CAMTA1: variants seen among roughly 807,000 people sequenced by gnomAD.
The protein encoded by CAMTA1 is calmodulin-binding transcription activator 1.
In CAMTA1, 27 loss-of-function variants were observed where a neutral mutation model predicts 170.9. The observed-to-expected ratio is 0.16, with a 90% CI of 0.12 to 0.22. CAMTA1 has a LOEUF of 0.22. Among genes scored for constraint, CAMTA1 ranks in the 10% least tolerant of loss-of-function variants. The pLI, the probability that CAMTA1 is intolerant of heterozygous loss-of-function variation, is 1.00. For missense variants in CAMTA1, 1,619 were observed against 2,217.2 expected, an observed-to-expected ratio of 0.73 and a Z score of 5.42; for synonymous variants, 833 against 891.5, an observed-to-expected ratio of 0.93 and a Z score of 1.17.
chr1:7,736,298 G>A lies in CAMTA1; in HGVS notation c.3067-46G>A, dbSNP rs575700189. 1.8e-4 allele frequency: 278 copies of A among 1,553,260 alleles called. No individual in the cohort carries two copies. The highest frequency in any genetic ancestry group is 1.0e-3 in the South Asian group (92 of 88,216). ...CCTACATCGAAGCGCTGATGGGGTC[G>A]AGGGCCTTTAGTCCTGAGGTCGTAA... On this transcript the variant is annotated intron_variant, in intron 12 of 22. Coordinates refer to ENST00000303635, the MANE Select transcript of CAMTA1 (RefSeq NM_015215.4). The surrounding 1 kb of genome is among the most constrained non-coding windows in gnomAD (Gnocchi z 4.5).
In CAMTA1 at chr1:7,574,588, T is replaced by G. The variant is rs528877687; in HGVS notation, c.511-65812T>G. Among the ~76,000 whole-genome samples the G allele has an allele frequency of 1.7e-3, 265 of 152,270 alleles. 1 individual carries two copies. Among genetic ancestry groups the G allele is most frequent in the Non-Finnish European group, 9.6e-4 (65 of 68,012 alleles). On this transcript the variant is annotated intron_variant, in intron 6 of 22. Transcript: ENST00000303635. ...TATGCCTCTATTTTTAACTCCAGGATCAGCAGGGTCATTTTCCAGAGAACA... is the reference window on the plus strand; with the variant it reads ...TATGCCTCTATTTTTAACTCCAGGAGCAGCAGGGTCATTTTCCAGAGAACA...
At chr1:7,233,902 C>T (rs1558285338) in intron 4 of CAMTA1, among the ~76,000 whole-genome samples, 1 of 152,166 alleles carries the variant, frequency 6.6e-6, no homozygotes, top group Admixed American at 6.5e-5. Flanking sequence ...AACCCCTCTG[C>T]CCTGGTCTGG....
intron 11 of CAMTA1, among the ~76,000 whole-genome samples, chr1:7,714,672 T>G (rs1442953261): frequency 1.3e-4 from 20 of 152,046 alleles, no homozygotes; most frequent in Admixed American, 1.3e-3. Context: ...CAGGTGCGTG[T>G]CACCACACCT....
intron 4 of CAMTA1, among the ~76,000 whole-genome samples, chr1:7,185,385 T>G (rs1008740330): frequency 6.6e-6 from 1 of 151,944 alleles, no homozygotes; most frequent in African/African-American, 2.4e-5. Context: ...GACCAGAAAG[T>G]AAGGGAGAGC....
intron 4 of CAMTA1, among the ~76,000 whole-genome samples, chr1:7,107,266 A>G (rs925861049): frequency 2.4e-5 from 2 of 83,908 alleles, no homozygotes; most frequent in African/African-American, 1.1e-4. Flanking sequence ...GTGCATGTGT[A>G]TGTGTGTGTG....
In CAMTA1 at chr1:7,300,108, T is replaced by C. The variant is rs1674545751; in HGVS notation, c.438+50482T>C. ...GCTTCTGTATAATTTGAATTTGAGA[T>C]AGCATTCTTAAAAAAAAATTCCCTT... On this transcript the variant is annotated intron_variant, in intron 5 of 22. Transcript: ENST00000303635. This position sits in a 1 kb window ranked among gnomAD's most constrained non-coding sequence, Gnocchi z 4.1. 6.6e-6 allele frequency among the ~76,000 whole-genome samples: 1 copy of C among 152,144 alleles called. No homozygotes were observed. The highest frequency in any genetic ancestry group is 2.1e-4 in the South Asian group (1 of 4,822).
chr1:7,359,620 A>G (rs845195), intron 5 of CAMTA1, among the ~76,000 whole-genome samples: 94,735 of 152,010 alleles, frequency 0.62, 31,515 homozygotes, highest in Non-Finnish European at 0.75. Flanking sequence ...TGTAGCAGGA[A>G]ATGTTCTGGA....
chr1:7,016,203 C>G (rs1700511078), intron 3 of CAMTA1, among the ~76,000 whole-genome samples: 1 of 152,190 alleles, frequency 6.6e-6, no homozygotes, highest in Non-Finnish European at 1.5e-5. Context: ...TTTCCCTCAG[C>G]CTGACACCCG....
At chr1:7,154,242 C>T (rs1646739289) in intron 4 of CAMTA1, among the ~76,000 whole-genome samples, 1 of 152,080 alleles carries the variant, frequency 6.6e-6, no homozygotes, top group Non-Finnish European at 1.5e-5. Context: ...AACAGATTGA[C>T]CCTGGAGGTA....
chr1:6,792,520 T>G (rs1364664262), intron 1 of CAMTA1, among the ~76,000 whole-genome samples: 1 of 152,098 alleles, frequency 6.6e-6, no homozygotes, highest in African/African-American at 2.4e-5. Flanking sequence ...AGAAATATTA[T>G]GTACCCCATT....
intron 4 of CAMTA1, among the ~76,000 whole-genome samples, chr1:7,162,860 G>A (rs927747598): frequency 6.6e-6 from 1 of 152,154 alleles, no homozygotes; most frequent in South Asian, 2.1e-4. Flanking sequence ...GTGACTCCGT[G>A]GCTGATCTTT....
intron 6 of CAMTA1, among the ~76,000 whole-genome samples, chr1:7,568,892 T>C (rs1397445892): frequency 6.7e-6 from 1 of 149,126 alleles, no homozygotes; most frequent in Non-Finnish European, 1.5e-5. Context: ...CGCATCACCA[T>C]CACCACCACC....
chr1:6,821,619 A>G (rs187590335), intron 2 of CAMTA1, among the ~76,000 whole-genome samples: 2 of 152,250 alleles, frequency 1.3e-5, no homozygotes, highest in Admixed American at 1.3e-4. Context: ...TGAATGAATA[A>G]CAGTGTTCAT....
At chr1:7,024,043 AAAG>A (rs1394473060) in intron 3 of CAMTA1, among the ~76,000 whole-genome samples, 1,937 of 147,828 alleles carry the variant, frequency 0.013, 60 homozygotes, top group African/African-American at 0.046. Flanking sequence ...AAAAAAAAAA[AAAG>A]AAAGAAAGAA....
chr1:7,451,900 T>C (rs1359866939), intron 5 of CAMTA1, among the ~76,000 whole-genome samples: 1 of 152,118 alleles, frequency 6.6e-6, no homozygotes, highest in Non-Finnish European at 1.5e-5. Context: ...CAGAAATACA[T>C]GAAAGGTCAA....
At chr1:7,722,289 G>A (rs925120652) in intron 11 of CAMTA1, among the ~76,000 whole-genome samples, 9 of 152,184 alleles carry the variant, frequency 5.9e-5, no homozygotes, top group Admixed American at 5.9e-4. Context: ...ATTAATTTGG[G>A]ACATTTTAAA....
At chr1:6,838,490 A>G (rs1251518373) in intron 3 of CAMTA1, among the ~76,000 whole-genome samples, 1 of 152,176 alleles carries the variant, frequency 6.6e-6, no homozygotes, top group African/African-American at 2.4e-5. Flanking sequence ...TTTATACAGC[A>G]CATCACCAAT....
chr1:7,730,944 A>G (rs1204699759), intron 11 of CAMTA1, among the ~76,000 whole-genome samples: 1 of 146,962 alleles, frequency 6.8e-6, no homozygotes, highest in Non-Finnish European at 1.5e-5. Flanking sequence ...ATATATATAT[A>G]TATTTAACAT....
intron 5 of CAMTA1, among the ~76,000 whole-genome samples, chr1:7,364,090 C>G (rs1425084116): frequency 3.3e-5 from 5 of 152,218 alleles, no homozygotes; most frequent in Admixed American, 6.5e-5. Flanking sequence ...ACTCCTGAAA[C>G]TGTGGTCCCT....
Sources: allele counts gnomAD v4.1 joint callset (sites outside exome capture counted in the v4.1 genomes callset), GRCh38; gene constraint gnomAD v4.1.1; non-coding constraint Gnocchi (gnomAD v3.1); transcripts MANE v1.5; gene names NCBI Gene and HGNC (gene_info 2026-07-23, HGNC 2026-07-21).